Variants in PARPBP observed in about 807,000 individuals in gnomAD.
PARPBP encodes the protein PARP1 binding protein.
Under a neutral mutation model 50.0 loss-of-function variants are expected in PARPBP, and 52 were observed. The ratio of observed to expected loss-of-function variants is 1.04; its 90% CI spans 0.83 to 1.31. The LOEUF (loss-of-function observed/expected upper bound fraction) is 1.31. PARPBP is among the 50% of genes most tolerant of loss of function. The pLI, the probability that PARPBP is intolerant of heterozygous loss-of-function variation, is 0.00. For missense variants in PARPBP, 697 were observed against 672.0 expected, an observed-to-expected ratio of 1.04 and a Z score of -0.41; for synonymous variants, 244 against 232.1, an observed-to-expected ratio of 1.05 and a Z score of -0.47.
rs1038580620 is a variant in PARPBP at position 102,197,038 on chromosome 12, T to C, written c.*747T>C. The C allele has an allele frequency of 6.2e-7, 1 of 1,612,076 alleles. No homozygotes were observed. Among genetic ancestry groups the C allele is most frequent in the East Asian group, 2.2e-5 (1 of 44,786 alleles). On this transcript the variant is annotated 3_prime_UTR_variant, in exon 11 of 11. Coordinates refer to ENST00000327680, the MANE Select transcript of PARPBP (RefSeq NM_017915.5). ...TTCTTCATCCCCAATTTCTCTCTTT[T>C]CTTGTGTTGATTCAGTATTCTGAAC... is the stretch of plus-strand genomic sequence containing the variant.
intron 2 of PARPBP, 87 bp downstream of exon 2, chr12:102,124,128 T>A: frequency 1.1e-6 from 1 of 891,010 alleles, no homozygotes; most frequent in Non-Finnish European, 1.7e-6. Flanking sequence ...TTAAGAATAT[T>A]AATTTCTTTA....
rs1483706493 is a variant in PARPBP at position 102,188,661 on chromosome 12, G to C, written c.1263+6034G>C. ...TACTGGACATGAGAAAAGGCAAGATGATTTGTCCTTTAATAAAGGGAAAAC... is the reference window on the plus strand; with the variant it reads ...TACTGGACATGAGAAAAGGCAAGATCATTTGTCCTTTAATAAAGGGAAAAC... On this transcript the variant is annotated intron_variant, in intron 9 of 10. Coordinates refer to ENST00000327680, the MANE Select transcript of PARPBP (RefSeq NM_017915.5). Among the ~76,000 whole-genome samples the C allele has an allele frequency of 2.0e-5, 3 of 152,050 alleles. No homozygotes were observed. The East Asian group carries it at 5.8e-4, about 29-fold the overall frequency.
chr12:102,122,300 G>A (rs757589466), intron 1 of PARPBP, among the ~76,000 whole-genome samples: 1 of 152,138 alleles, frequency 6.6e-6, no homozygotes, highest in African/African-American at 2.4e-5. Context: ...TTGCATTTAT[G>A]TAAATAATTA....
chr12:102,148,198 A>ATTT (rs76358859), intron 2 of PARPBP, 32 bp from the exon 3 acceptor site: 26 of 729,454 alleles, frequency 3.6e-5, no homozygotes, highest in African/African-American at 2.3e-4. Context: ...ACCCAACTTT[A>ATTT]TTTTTTTTTT....
At chr12:102,138,167 T>C (rs1883967181) in intron 2 of PARPBP, among the ~76,000 whole-genome samples, 2 of 152,202 alleles carry the variant, frequency 1.3e-5, no homozygotes, top group Admixed American at 1.3e-4. Context: ...CCAGCACCTT[T>C]TGTTTCCTGA....
At chr12:102,127,450 A>AT (rs1302251377) in intron 2 of PARPBP, among the ~76,000 whole-genome samples, 4 of 152,088 alleles carry the variant, frequency 2.6e-5, no homozygotes, top group East Asian at 3.8e-4. Context: ...AGAGAGTGCC[A>AT]TTTTTTTATC....
At chr12:102,139,057 A>G (rs1884128358) in intron 2 of PARPBP, among the ~76,000 whole-genome samples, 5 of 152,142 alleles carry the variant, frequency 3.3e-5, no homozygotes, top group Admixed American at 6.5e-5. Context: ...GGATGGCATT[A>G]AATCTATAAA....
At chr12:102,136,285 C>T (rs1883621181) in intron 2 of PARPBP, among the ~76,000 whole-genome samples, 1 of 152,100 alleles carries the variant, frequency 6.6e-6, no homozygotes. Context: ...CCTTGGTGAC[C>T]ATACACTGGA....
intron 9 of PARPBP, among the ~76,000 whole-genome samples, chr12:102,187,089 C>T (rs1188426762): frequency 2.6e-5 from 4 of 152,046 alleles, no homozygotes; most frequent in Non-Finnish European, 5.9e-5. Flanking sequence ...TCTTCCCCTG[C>T]CTGATACTTG....
chr12:102,127,734 A>G (rs1565849057), intron 2 of PARPBP, among the ~76,000 whole-genome samples: 1 of 152,202 alleles, frequency 6.6e-6, no homozygotes, highest in Non-Finnish European at 1.5e-5. Flanking sequence ...ATGTACATTT[A>G]TTGACATGGA....
rs1025697443 is a variant in PARPBP, at chr12:102,196,823, T to A, written c.*532T>A. On this transcript the variant is annotated 3_prime_UTR_variant, in exon 11 of 11. Transcript: ENST00000327680. ...AGTAAACCAAAATGATAATAATTAA[T>A]TGTTGCTATTTAATCCCACATTTTT... The A allele has an allele frequency of 4.8e-6, 5 of 1,035,374 alleles. No individual in the cohort carries two copies. The African/African-American group carries it at 8.1e-5, about 17-fold the overall frequency. 64.1% of individuals were successfully genotyped at this position (1,035,374 alleles called of 1,614,324 possible).
At chr12:102,178,539 T>G in intron 7 of PARPBP, 53 bp from the exon 8 acceptor site, 1 of 1,153,136 alleles carries the variant, frequency 8.7e-7, no homozygotes, top group East Asian at 2.6e-5. Flanking sequence ...AGTATGGCCA[T>G]TCACCCAGCT....
chr12:102,128,131 A>C (rs1882291315), intron 2 of PARPBP, among the ~76,000 whole-genome samples: 1 of 152,092 alleles, frequency 6.6e-6, no homozygotes, highest in African/African-American at 2.4e-5. Flanking sequence ...TATTCCTCCT[A>C]ACAGAAACTG....
intron 6 of PARPBP, among the ~76,000 whole-genome samples, chr12:102,168,162 G>A (rs1430406132): frequency 1.3e-5 from 2 of 151,880 alleles, no homozygotes; most frequent in African/African-American, 4.8e-5. Context: ...AAACTTTTTT[G>A]TTTTTTGCTT....
chr12:102,175,011 T>C (rs1203080491), intron 6 of PARPBP, among the ~76,000 whole-genome samples: 2 of 152,222 alleles, frequency 1.3e-5, no homozygotes, highest in Non-Finnish European at 2.9e-5. Flanking sequence ...CATATGTTCT[T>C]GGACAAACCA....
At chr12:102,134,232 A>C (rs1883287773) in intron 2 of PARPBP, among the ~76,000 whole-genome samples, 1 of 142,424 alleles carries the variant, frequency 7.0e-6, no homozygotes, top group Non-Finnish European at 1.5e-5. Flanking sequence ...GAAAAAAGAG[A>C]AGCCTCAAAA....
chr12:102,196,859 A>C lies in PARPBP; in HGVS notation c.*568A>C. ...TAATCCCACATTTTTGGCAGGTGTA[A>C]TTGAGCCATGGTCTTATTTGATTTT... On this transcript the variant is annotated 3_prime_UTR_variant, in exon 11 of 11. Transcript: ENST00000327680. The C allele has an allele frequency of 9.2e-7, 1 of 1,090,752 alleles. No homozygotes were observed. Among genetic ancestry groups the C allele is most frequent in the South Asian group, 1.4e-5 (1 of 69,844 alleles). The allele number at this position is 1,090,752 out of a possible 1,614,324, so 67.6% of individuals were successfully genotyped here.
intron 6 of PARPBP, among the ~76,000 whole-genome samples, chr12:102,167,977 C>T (rs145521401): frequency 3.3e-5 from 5 of 152,264 alleles, no homozygotes; most frequent in Admixed American, 2.0e-4. Flanking sequence ...TGATTAATTT[C>T]TGAGTTTGCT....
At chr12:102,192,306 C>A (rs1243593517) in intron 9 of PARPBP, among the ~76,000 whole-genome samples, 2 of 152,016 alleles carry the variant, frequency 1.3e-5, no homozygotes, top group Non-Finnish European at 2.9e-5. Context: ...TTAACTGCAT[C>A]CAATTCTGAT....
Sources: allele counts gnomAD v4.1 joint callset (sites outside exome capture counted in the v4.1 genomes callset), GRCh38; gene constraint gnomAD v4.1.1; transcripts MANE v1.5; gene names NCBI Gene and HGNC (gene_info 2026-07-23, HGNC 2026-07-21).